GALNTL6: variants seen among roughly 807,000 people sequenced by gnomAD.
GALNTL6 encodes polypeptide N-acetylgalactosaminyltransferase like 6.
Under a neutral mutation model 73.7 loss-of-function variants are expected in GALNTL6, and 46 were observed. That is an observed-to-expected ratio of 0.62 (90% CI 0.49 to 0.80). The LOEUF is 0.80. GALNTL6 is among the 30% of genes least tolerant of loss of function. The pLI, the probability that GALNTL6 is intolerant of heterozygous loss-of-function variation, is 0.00. For missense variants in GALNTL6, 604 were observed against 755.0 expected, an observed-to-expected ratio of 0.80 and a Z score of 2.34; for synonymous variants, 259 against 263.7, an observed-to-expected ratio of 0.98 and a Z score of 0.17.
Position 172,394,974 on chromosome 4 carries a change from T to A in GALNTL6, c.553+46285T>A, listed in dbSNP as rs115992214. On this transcript the variant is annotated intron_variant, in intron 5 of 12. Transcript: ENST00000506823. ...CTGTGTTTCAGATATCTTCTGTTAC[T>A]TCATCAGAAGGTGCTAGGATGAACA... Among the ~76,000 whole-genome samples the A allele has an allele frequency of 1.5e-3, 233 of 152,336 alleles. 1 individual carries two copies. Among genetic ancestry groups the A allele is most frequent in the African/African-American group, 5.0e-3 (207 of 41,584 alleles).
At chr4:172,379,803 G>C (rs915721367) in intron 5 of GALNTL6, among the ~76,000 whole-genome samples, 2 of 152,082 alleles carry the variant, frequency 1.3e-5, no homozygotes, top group African/African-American at 2.4e-5. Context: ...GCTTTTAAAC[G>C]TTTCCCAACA....
chr4:172,740,895 A>G (rs1164547417), intron 5 of GALNTL6, among the ~76,000 whole-genome samples: 2 of 152,134 alleles, frequency 1.3e-5, no homozygotes, highest in Non-Finnish European at 1.5e-5. Flanking sequence ...AATCAAGCGT[A>G]TATTTTAAAT....
intron 7 of GALNTL6, among the ~76,000 whole-genome samples, chr4:172,821,648 A>G (rs935217899): frequency 6.6e-6 from 1 of 152,208 alleles, no homozygotes; most frequent in Non-Finnish European, 1.5e-5. Flanking sequence ...TCAATATTTA[A>G]CAACTGCAAA....
intron 5 of GALNTL6, among the ~76,000 whole-genome samples, chr4:172,789,191 G>C (rs1579484339): frequency 6.6e-6 from 1 of 152,264 alleles, no homozygotes; most frequent in East Asian, 1.9e-4. Context: ...ACAGGTCTAG[G>C]CCTCTGGAAC....
chr4:172,574,961 C>T (rs1736906477), intron 5 of GALNTL6, among the ~76,000 whole-genome samples: 1 of 151,844 alleles, frequency 6.6e-6, no homozygotes, highest in South Asian at 2.1e-4. Flanking sequence ...CACACACACA[C>T]ACACGATTAG....
chr4:171,891,177 T>C (rs75306308), intron 2 of GALNTL6, among the ~76,000 whole-genome samples: 2,176 of 152,304 alleles, frequency 0.014, 47 homozygotes, highest in African/African-American at 0.049. Flanking sequence ...CTAATTCATG[T>C]TTGCTACTTT....
At chr4:172,821,584 T>G (rs916303678) in intron 7 of GALNTL6, among the ~76,000 whole-genome samples, 2 of 152,170 alleles carry the variant, frequency 1.3e-5, no homozygotes, top group African/African-American at 4.8e-5. Flanking sequence ...CAGTTACTAA[T>G]GAAGGGAAAT....
chr4:172,862,643 T>A (rs1052760673), intron 7 of GALNTL6, among the ~76,000 whole-genome samples: 2 of 151,968 alleles, frequency 1.3e-5, no homozygotes, highest in Non-Finnish European at 2.9e-5. Context: ...GAGGTTGCGG[T>A]GAGCCAACAT....
intron 8 of GALNTL6, among the ~76,000 whole-genome samples, chr4:172,897,781 T>G (rs1191561641): frequency 6.6e-6 from 1 of 152,172 alleles, no homozygotes; most frequent in Non-Finnish European, 1.5e-5. Context: ...TGCAGAATAT[T>G]TGTTTTTGTA....
At chr4:172,766,678 A>G (rs1738423660) in intron 5 of GALNTL6, among the ~76,000 whole-genome samples, 1 of 152,198 alleles carries the variant, frequency 6.6e-6, no homozygotes, top group African/African-American at 2.4e-5. Flanking sequence ...CTAAGGTTGT[A>G]AAGTCTCAAA....
intron 2 of GALNTL6, among the ~76,000 whole-genome samples, chr4:171,895,889 T>G (rs1736899433): frequency 6.6e-6 from 1 of 151,756 alleles, no homozygotes; most frequent in Non-Finnish European, 1.5e-5. Context: ...TGTATCTTGA[T>G]TTTTAAAAAT....
chr4:171,974,336 G>C (rs548864487), intron 2 of GALNTL6, among the ~76,000 whole-genome samples: 4 of 152,106 alleles, frequency 2.6e-5, no homozygotes, highest in African/African-American at 9.6e-5. Flanking sequence ...ATGAAATCAG[G>C]CCCACCATAG....
intron 2 of GALNTL6, among the ~76,000 whole-genome samples, chr4:172,092,665 ATAGAG>A (rs1732237792): frequency 6.6e-6 from 1 of 152,076 alleles, no homozygotes; most frequent in Admixed American, 6.5e-5. Flanking sequence ...TTACTCTTTG[ATAGAG>A]TAAATTCAGT....
chr4:172,958,004 C>A (rs903699391), intron 10 of GALNTL6, among the ~76,000 whole-genome samples: 1 of 151,934 alleles, frequency 6.6e-6, no homozygotes, highest in African/African-American at 2.4e-5. Flanking sequence ...TCATGGGGGT[C>A]AGGTGTGGTA....
At chr4:171,984,025 C>T (rs1156394031) in intron 2 of GALNTL6, among the ~76,000 whole-genome samples, 2 of 152,158 alleles carry the variant, frequency 1.3e-5, no homozygotes, top group East Asian at 1.9e-4. Flanking sequence ...AACCCCAGCC[C>T]GGGCTGTTAA....
chr4:172,810,295 T>A (rs1420206410), intron 6 of GALNTL6, among the ~76,000 whole-genome samples: 1 of 152,180 alleles, frequency 6.6e-6, no homozygotes, highest in African/African-American at 2.4e-5. Flanking sequence ...GTGGTTCAGT[T>A]CAAGCTTCAT....
intron 2 of GALNTL6, among the ~76,000 whole-genome samples, chr4:172,171,982 A>G (rs1295268979): frequency 2.0e-5 from 3 of 152,160 alleles, no homozygotes; most frequent in African/African-American, 4.8e-5. Flanking sequence ...GAAGCATCAC[A>G]TCTCAAAGCA....
At chr4:172,979,612 T>C (rs1579737137) in intron 10 of GALNTL6, among the ~76,000 whole-genome samples, 2 of 152,174 alleles carry the variant, frequency 1.3e-5, no homozygotes, top group Non-Finnish European at 2.9e-5. Flanking sequence ...AAATTGCTTA[T>C]GGAATTTAAA....
chr4:172,800,828 G>A (rs1486886638), intron 5 of GALNTL6, among the ~76,000 whole-genome samples: 3 of 48,478 alleles, frequency 6.2e-5, no homozygotes, highest in Non-Finnish European at 1.3e-4. Context: ...TTATGTCATC[G>A]GAAAAAAAAA....
Sources: allele counts gnomAD v4.1 joint callset (sites outside exome capture counted in the v4.1 genomes callset), GRCh38; gene constraint gnomAD v4.1.1; transcripts MANE v1.5; gene names NCBI Gene and HGNC (gene_info 2026-07-23, HGNC 2026-07-21).